ABI2: variants seen among roughly 807,000 people sequenced by gnomAD.
ABI2 encodes abl interactor 2.
ABI2 carries 25 observed loss-of-function variants against 59.2 expected under a neutral mutation model. That is an observed-to-expected ratio of 0.42 (90% CI 0.31 to 0.59). ABI2 has a LOEUF of 0.59. Ranked by LOEUF, ABI2 falls within the 20% of genes least tolerant of loss-of-function variation. The pLI is 0.14. For synonymous variants in ABI2, 213 were observed against 235.5 expected, an observed-to-expected ratio of 0.90 and a Z score of 0.87; for missense variants, 545 against 681.8, an observed-to-expected ratio of 0.80 and a Z score of 2.23.
rs769251321 is a variant in ABI2, at chr2:203,431,988, T to C, written c.*4636T>C. The C allele has an allele frequency of 2.6e-5, 4 of 152,182 alleles. No individual in the cohort carries two copies. Among genetic ancestry groups the C allele is most frequent in the Non-Finnish European group, 5.9e-5 (4 of 68,024 alleles). 9.4% of individuals were successfully genotyped at this position (152,182 alleles called of 1,614,324 possible). A position where few individuals can be genotyped will look rare whatever the true frequency, so the allele number is the denominator to read the frequency against. On this transcript the variant is annotated 3_prime_UTR_variant, in exon 12 of 12. Coordinates refer to ENST00000261018, the MANE Select transcript of ABI2 (RefSeq NM_001375670.1). ...CCCAGAGGGAGAGTTGGTGGTATTA[T>C]GAGTTGAGTAAAAACCATCCAGGGG...
chr2:203,359,011 C>CA (rs2092909006), intron 1 of ABI2, among the ~76,000 whole-genome samples: 1 of 151,532 alleles, frequency 6.6e-6, no homozygotes, highest in Non-Finnish European at 1.5e-5. Flanking sequence ...GACTCTGTCT[C>CA]AAAAAAACAA....
chr2:203,360,935 T>C (rs749584952), intron 1 of ABI2, among the ~76,000 whole-genome samples: 10 of 152,064 alleles, frequency 6.6e-5, no homozygotes, highest in Admixed American at 1.3e-4. Flanking sequence ...CAACTAATTG[T>C]TACCCTTTCA....
chr2:203,419,887 C>T (rs1403850719), intron 11 of ABI2, among the ~76,000 whole-genome samples: 1 of 152,080 alleles, frequency 6.6e-6, no homozygotes, highest in Admixed American at 6.6e-5. Flanking sequence ...ACTCGGGAGG[C>T]TGAGGCAGGA....
chr2:203,420,347 A>G (rs2098140519), intron 11 of ABI2, among the ~76,000 whole-genome samples: 1 of 151,568 alleles, frequency 6.6e-6, no homozygotes, highest in Non-Finnish European at 1.5e-5. Context: ...TAAATGATAT[A>G]TAGGAATTGT....
In ABI2 at chr2:203,367,246, C is replaced by T. The variant is rs1029239922; in HGVS notation, c.285+202C>T. 19 of 632,004 alleles carry T rather than the reference C, an allele frequency of 3.0e-5. 1 individual carries two copies. In the South Asian group the frequency reaches 7.3e-4, roughly 24 times the overall value. 39.1% of individuals were successfully genotyped at this position (632,004 alleles called of 1,614,324 possible). A position where few individuals can be genotyped will look rare whatever the true frequency, so the allele number is the denominator to read the frequency against. ...CTGTGATTTTGATAGGAAAGTAAATCGTAATGAATTTTATTAAAACTCAGT... is the reference window on the plus strand; with the variant it reads ...CTGTGATTTTGATAGGAAAGTAAATTGTAATGAATTTTATTAAAACTCAGT... On this transcript the variant is annotated intron_variant, in intron 2 of 11. Transcript: ENST00000261018.
intron 1 of ABI2, among the ~76,000 whole-genome samples, chr2:203,335,758 C>CA (rs1367006675): frequency 6.6e-6 from 1 of 152,020 alleles, no homozygotes. Context: ...GATGAGGTAA[C>CA]AGCTTTGTTT....
chr2:203,338,972 A>G (rs1439181440), intron 1 of ABI2, among the ~76,000 whole-genome samples: 2 of 9,114 alleles, frequency 2.2e-4, no homozygotes, highest in Admixed American at 3.2e-3. Context: ...AAATATATAT[A>G]TATATATATA....
intron 8 of ABI2, among the ~76,000 whole-genome samples, chr2:203,400,576 A>G (rs2097179254): frequency 6.6e-6 from 1 of 152,196 alleles, no homozygotes; most frequent in Non-Finnish European, 1.5e-5. Context: ...CATTTTTATC[A>G]TGGTTACAGA....
At chr2:203,391,353 A>C (rs1253013907) in intron 5 of ABI2, among the ~76,000 whole-genome samples, 1 of 152,206 alleles carries the variant, frequency 6.6e-6, no homozygotes, top group East Asian at 1.9e-4. Context: ...AGTGAATTTT[A>C]AATTTGAGGT....
chr2:203,389,396 A>G (rs2096656001), intron 4 of ABI2, among the ~76,000 whole-genome samples: 1 of 152,190 alleles, frequency 6.6e-6, no homozygotes, highest in South Asian at 2.1e-4. Context: ...TGGGCTATTC[A>G]TTTGAAGAAT....
At chr2:203,410,079 C>G (rs983430803) in intron 9 of ABI2, among the ~76,000 whole-genome samples, 1 of 152,182 alleles carries the variant, frequency 6.6e-6, no homozygotes, top group Non-Finnish European at 1.5e-5. Context: ...CCCTCACTTG[C>G]TTCTCTCAAC....
Position 203,429,570 on chromosome 2 carries a change from A to G in ABI2, c.*2218A>G, listed in dbSNP as rs2098466169. On this transcript the variant is annotated 3_prime_UTR_variant, in exon 12 of 12. Coordinates refer to ENST00000261018, the MANE Select transcript of ABI2 (RefSeq NM_001375670.1). ...TCAATAAATTGAGACCATCCTGGCC[A>G]ACATGGTGAAACCCCATCTCTACTA... 6.6e-6 allele frequency: 1 copy of G among 152,152 alleles called. No homozygotes were observed. The highest frequency in any genetic ancestry group is 1.5e-5 in the Non-Finnish European group (1 of 68,060). The allele number at this position is 152,152 out of a possible 1,614,324, so 9.4% of individuals were successfully genotyped here. A position where few individuals can be genotyped will look rare whatever the true frequency, so the allele number is the denominator to read the frequency against.
intron 1 of ABI2, among the ~76,000 whole-genome samples, chr2:203,343,785 G>A (rs930340894): frequency 6.6e-6 from 1 of 152,154 alleles, no homozygotes; most frequent in Non-Finnish European, 1.5e-5. Context: ...CCACTAATCA[G>A]GTCCCCTTTC....
chr2:203,396,965 C>G lies in ABI2; in HGVS notation c.1031C>G (p.Thr344Arg). 2 of 1,495,224 alleles carry G rather than the reference C, an allele frequency of 1.3e-6. No individual in the cohort carries two copies. Among genetic ancestry groups the G allele is most frequent in the Non-Finnish European group, 1.8e-6 (2 of 1,127,934 alleles). 92.6% of individuals were successfully genotyped at this position (1,495,224 alleles called of 1,614,324 possible). The change falls in exon 8 of 12, where the codon ACA (threonine) becomes AGA (arginine). Residue 344 changes from threonine to arginine, a missense_variant and splice_region_variant. By Grantham distance (71) the Thr-to-Arg change is moderately conservative (BLOSUM62 -1). Transcript: ENST00000261018. ...TPPVVSSTPP[T>R]GHPVQFYSMN... ...CCTGTTGTTTCTTCCACTCCCCCTA[C>G]AGGTAAGTATTTGCTTATTCATTGG...
chr2:203,346,179 G>C (rs549973422), intron 1 of ABI2, among the ~76,000 whole-genome samples: 1 of 152,054 alleles, frequency 6.6e-6, no homozygotes, highest in East Asian at 1.9e-4. Flanking sequence ...GTAATTCTAT[G>C]TTGATTCCAA....
At chr2:203,390,495 G>A (rs1283619972) in intron 4 of ABI2, among the ~76,000 whole-genome samples, 1 of 152,036 alleles carries the variant, frequency 6.6e-6, no homozygotes, top group Non-Finnish European at 1.5e-5. Flanking sequence ...AGCTGGTCGT[G>A]GTGGCATGCA....
chr2:203,411,244 G>C, intron 9 of ABI2, 41 bp from the exon 10 acceptor site: 1 of 1,421,920 alleles, frequency 7.0e-7, no homozygotes, highest in Non-Finnish European at 9.9e-7. Flanking sequence ...AATGTAACTC[G>C]CCCTTATCCC....
At chr2:203,395,628 C>T (rs765505779) in intron 6 of ABI2, 28 bp from the exon 7 acceptor site, 1 of 1,597,046 alleles carries the variant, frequency 6.3e-7, no homozygotes. Flanking sequence ...TATAAATACT[C>T]ATGTTTTGGT....
At chr2:203,400,302 T>C (rs1162288340) in intron 8 of ABI2, among the ~76,000 whole-genome samples, 7 of 152,014 alleles carry the variant, frequency 4.6e-5, no homozygotes, top group African/African-American at 1.7e-4. Flanking sequence ...TTGGTCAGGC[T>C]GGTCTTGAAC....
Sources: gnomAD v4.1 joint callset for allele counts (sites outside exome capture counted in the v4.1 genomes callset) on GRCh38, gnomAD v4.1.1 for gene constraint, MANE v1.5 for transcripts, NCBI Gene and HGNC (gene_info 2026-07-23, HGNC 2026-07-21) for gene names.